The following KIAA1755 variants were observed in gnomAD, a reference collection of about 807,000 sequenced individuals.
The protein encoded by KIAA1755 is uncharacterized protein KIAA1755.
Under a neutral mutation model 91.7 loss-of-function variants are expected in KIAA1755, and 68 were observed. The ratio of observed to expected loss-of-function variants is 0.74; its 90% CI spans 0.61 to 0.91. KIAA1755 has a LOEUF of 0.91. Ranked by LOEUF, KIAA1755 falls within the 40% of genes least tolerant of loss-of-function variation. The probability of loss-of-function intolerance (pLI) is 0.00; values close to 1 mark genes in which losing one functional copy is unlikely to be tolerated. For missense variants in KIAA1755, 1,535 were observed against 1,494.4 expected, an observed-to-expected ratio of 1.03 and a Z score of -0.45; for synonymous variants, 610 against 604.6, an observed-to-expected ratio of 1.01 and a Z score of -0.13.
intron 1 of KIAA1755, among the ~76,000 whole-genome samples, 193 bp from the exon 2 acceptor site, chr20:38,246,319 A>G (rs1231111634): frequency 6.6e-6 from 1 of 152,000 alleles, no homozygotes; most frequent in Admixed American, 6.5e-5. Flanking sequence ...ACTAGGCACA[A>G]TCTCACCTCG....
At chr20:38,218,930 G>T (rs1317264143) in intron 11 of KIAA1755, among the ~76,000 whole-genome samples, 1 of 152,088 alleles carries the variant, frequency 6.6e-6, no homozygotes, top group Non-Finnish European at 1.5e-5. Flanking sequence ...GTATATAATG[G>T]CTCTCAACCC....
rs760553122 is a variant in KIAA1755 at position 38,217,392 on chromosome 20, C to T, written c.2762G>A (p.Arg921His). ...ATARGAGEAERAEFPELAAFA... is the reference protein window; with the variant it reads ...ATARGAGEAEHAEFPELAAFA... ...GGCTGCCAGCTCTGGGAACTCTGCA[C>T]GTTCTGCCTCCCCAGCCCCTCTGGC... is the stretch of plus-strand genomic sequence containing the variant. Residue 921 changes from arginine to histidine, a missense_variant, in exon 13 of 14, where the codon CGT (arginine) becomes CAT (histidine). Transcript: ENST00000279024. The T allele has an allele frequency of 1.2e-6, 2 of 1,613,290 alleles. No homozygotes were observed. Among genetic ancestry groups the T allele is most frequent in the South Asian group, 1.1e-5 (1 of 90,858 alleles).
intron 5 of KIAA1755, among the ~76,000 whole-genome samples, chr20:38,229,309 T>G (rs1034896998): frequency 6.6e-5 from 10 of 152,232 alleles, no homozygotes; most frequent in Non-Finnish European, 1.2e-4. Context: ...AATTCATTCT[T>G]GTAAAGCACT....
intron 1 of KIAA1755, among the ~76,000 whole-genome samples, chr20:38,246,754 C>T (rs1001820239): frequency 3.9e-5 from 6 of 152,224 alleles, no homozygotes; most frequent in African/African-American, 1.4e-4. Flanking sequence ...AGCCACCAAC[C>T]GCCAACATAT....
At chr20:38,227,290 C>A (rs950236348) in intron 6 of KIAA1755, 50 bp from the exon 7 acceptor site, 1 of 1,429,398 alleles carries the variant, frequency 7.0e-7, no homozygotes, top group Non-Finnish European at 9.8e-7. Flanking sequence ...CTTCATGAAG[C>A]CTCACACACT....
In KIAA1755 at chr20:38,213,476, A is replaced by T; in HGVS notation, c.3169T>A (p.Cys1057Ser). 6.2e-7 allele frequency: 1 copy of T among 1,606,600 alleles called. No individual in the cohort carries two copies. Among genetic ancestry groups the T allele is most frequent in the Non-Finnish European group, 8.5e-7 (1 of 1,176,734 alleles). The change falls in exon 14 of 14, where the codon TGC becomes AGC. Residue 1057 changes from cysteine to serine, a missense_variant. Physicochemically the swap from Cys to Ser is moderately radical, Grantham distance 112. Coordinates refer to ENST00000279024, the MANE Select transcript of KIAA1755 (RefSeq NM_001029864.2). ...GAGTGAGCAGCTGGAGCCTCTGGGC[A>T]AGAGCTGTGGGTCAGTGCCTTCTCC... ...LLEKALTHSS[C>S]PEAPAAHSAR...
intron 4 of KIAA1755, among the ~76,000 whole-genome samples, chr20:38,237,659 G>A (rs796220500): frequency 6.6e-6 from 1 of 152,060 alleles, no homozygotes; most frequent in African/African-American, 2.4e-5. Flanking sequence ...GAGACATGCT[G>A]GAAAAGGGGA....
Position 38,217,715 on chromosome 20 carries a change from G to A in KIAA1755, c.2680-241C>T. 3 of 574,630 alleles carry A rather than the reference G, an allele frequency of 5.2e-6. No individual in the cohort carries two copies. In the South Asian group the frequency reaches 6.7e-5, roughly 13 times the overall value. 35.6% of individuals were successfully genotyped at this position (574,630 alleles called of 1,614,324 possible). On this transcript the variant is annotated intron_variant, in intron 12 of 13. Transcript: ENST00000279024. ...AAGTCTCCAGGCCCTCGCCATGGCA[G>A]TTCACTTTGCCTAGCCGGGCTCTGC...
In KIAA1755 at chr20:38,213,188, A is replaced by AATGC. The variant is rs761347721; in HGVS notation, c.3453_3456dup (p.Leu1153AlafsTer38). 3.7e-5 allele frequency: 60 copies of AATGC among 1,613,702 alleles called. No individual in the cohort carries two copies. The Middle Eastern group carries it at 5.0e-4, about 13-fold the overall frequency. ...TGCCGGAAGAAGGTGGTGGCAAGCAAATGCTCGCGGGCAGGGTCAGGCAGC... is the reference window on the plus strand; with the variant it reads ...TGCCGGAAGAAGGTGGTGGCAAGCAAATGCATGCTCGCGGGCAGGGTCAGGCAGC... On this transcript the variant is annotated frameshift_variant, in exon 14 of 14. Transcript: ENST00000279024. LOFTEE classifies it low-confidence loss of function (END_TRUNC).
At position 38,227,350 on chromosome 20, in the gene KIAA1755, G is replaced by T. The variant is rs1360182962; in HGVS notation, c.1966-110C>A. Reference sequence around the variant, plus strand: ...AAGATGCAGGCAAATGGGTCACAAGGACAGAGTGGGGTCCCTCCATGACTG... The same window carrying T: ...AAGATGCAGGCAAATGGGTCACAAGTACAGAGTGGGGTCCCTCCATGACTG... On this transcript the variant is annotated intron_variant, in intron 6 of 13. Transcript: ENST00000279024. 4.3e-6 allele frequency: 3 copies of T among 699,774 alleles called. No homozygotes were observed. In the African/African-American group the frequency reaches 5.4e-5, roughly 12 times the overall value. The allele number at this position is 699,774 out of a possible 1,614,324, so 43.3% of individuals were successfully genotyped here. A position where few individuals can be genotyped will look rare whatever the true frequency, so the allele number is the denominator to read the frequency against.
intron 1 of KIAA1755, among the ~76,000 whole-genome samples, chr20:38,247,917 C>T (rs960743822): frequency 5.3e-5 from 8 of 152,116 alleles, no homozygotes; most frequent in Non-Finnish European, 8.8e-5. Context: ...AGTGAGATCC[C>T]ATCTCTTATT....
At chr20:38,255,006 G>A (rs548506908) in intron 1 of KIAA1755, among the ~76,000 whole-genome samples, 3 of 152,160 alleles carry the variant, frequency 2.0e-5, no homozygotes, top group South Asian at 4.2e-4. Flanking sequence ...GTGCAACCCT[G>A]TCTCTACTAA....
Position 38,223,621 on chromosome 20 carries a change from G to A in KIAA1755, c.2185C>T (p.Leu729Phe), listed in dbSNP as rs1351780794. The change falls in exon 9 of 14, where the codon CTT becomes TTT. Residue 729 changes from leucine (L) to phenylalanine (F), a missense_variant. Coordinates refer to ENST00000279024, the MANE Select transcript of KIAA1755 (RefSeq NM_001029864.2). Reference sequence around the variant, plus strand: ...GAAGAGGCCTGGTGGAGGTCAGCAAGGAAAGGGTCCAGCTTCTGCAGGACA... The same window carrying A: ...GAAGAGGCCTGGTGGAGGTCAGCAAAGAAAGGGTCCAGCTTCTGCAGGACA... ...VHFFQKLDPF[L>F]ADLHQASSLL... The A allele has an allele frequency of 1.9e-6, 3 of 1,605,910 alleles. No individual in the cohort carries two copies. In the South Asian group the frequency reaches 3.3e-5, roughly 18 times the overall value.
chr20:38,241,774 G>T lies in KIAA1755; in HGVS notation c.357C>A (p.Ile119=). ...GGTCCAGGGAGAGGCATTTGATCAT[G>T]ATGCAGACAGACTGCTCCTCCTGGG... The part of the protein sequence containing the change: ...VEPQEEQSVC[I]MIKCLSLDLC... The change falls in exon 3 of 14, where the codon ATC becomes ATA. Residue 119 remains isoleucine (I), a synonymous_variant. Coordinates refer to ENST00000279024, the MANE Select transcript of KIAA1755 (RefSeq NM_001029864.2). 1 of 1,614,212 alleles carries T rather than the reference G, an allele frequency of 6.2e-7. No individual in the cohort carries two copies. The highest frequency in any genetic ancestry group is 8.5e-7 in the Non-Finnish European group (1 of 1,180,038).
chr20:38,241,757 G>A lies in KIAA1755; in HGVS notation c.374C>T (p.Ser125Phe). ...QSVCIMIKCLSLDLCTVDKKP... is the reference protein window; with the variant it reads ...QSVCIMIKCLFLDLCTVDKKP... ...CTTGTCCACTGTGCAGAGGTCCAGGGAGAGGCATTTGATCATGATGCAGAC... is the reference window on the plus strand; with the variant it reads ...CTTGTCCACTGTGCAGAGGTCCAGGAAGAGGCATTTGATCATGATGCAGAC... Residue 125 changes from serine to phenylalanine, a missense_variant, in exon 3 of 14, where the codon TCC becomes TTC. Ser to Phe is a radical substitution (Grantham distance 155). Coordinates refer to ENST00000279024, the MANE Select transcript of KIAA1755 (RefSeq NM_001029864.2). The A allele has an allele frequency of 6.2e-7, 1 of 1,614,216 alleles. No homozygotes were observed.
chr20:38,214,187 G>A (rs1202848995), intron 13 of KIAA1755, among the ~76,000 whole-genome samples: 1 of 152,120 alleles, frequency 6.6e-6, no homozygotes, highest in Non-Finnish European at 1.5e-5. Flanking sequence ...CTGACCTCAG[G>A]TGATCCACCC....
Position 38,260,501 on chromosome 20 carries a change from G to C in KIAA1755, c.-1C>G. 1 of 1,482,552 alleles carries C rather than the reference G, an allele frequency of 6.7e-7. No individual in the cohort carries two copies. Among genetic ancestry groups the C allele is most frequent in the South Asian group, 1.4e-5 (1 of 70,130 alleles). 91.8% of individuals were successfully genotyped at this position (1,482,552 alleles called of 1,614,324 possible). On this transcript the variant is annotated 5_prime_UTR_variant, in exon 1 of 14. Coordinates refer to ENST00000279024, the MANE Select transcript of KIAA1755 (RefSeq NM_001029864.2). Reference sequence around the variant, plus strand: ...GGTCCAGGCCTTGGCGCGTTACCATGGTGACGGGCTGCCAGCGGCGGGCGG... The same window carrying C: ...GGTCCAGGCCTTGGCGCGTTACCATCGTGACGGGCTGCCAGCGGCGGGCGG...
Position 38,239,645 on chromosome 20 carries a change from C to T in KIAA1755, c.1630G>A (p.Ala544Thr), listed in dbSNP as rs776054684. 16 of 1,606,730 alleles carry T rather than the reference C, an allele frequency of 1.0e-5. No individual in the cohort carries two copies. In the South Asian group the frequency reaches 1.8e-4, roughly 18 times the overall value. Residue 544 changes from alanine (A) to threonine (T), a missense_variant, in exon 4 of 14, where the codon GCT becomes ACT. Ala to Thr is a moderately conservative substitution (Grantham distance 58). Coordinates refer to ENST00000279024, the MANE Select transcript of KIAA1755 (RefSeq NM_001029864.2). ...CCTCTTTCTGGGGAGCCTGCAGAAG[C>T]TTCTGGCAAGGCAGCCTTTTCCTCA... ...LTEEKAALPE[A>T]SAGSPERGPT...
chr20:38,225,820 T>C (rs746114071), intron 7 of KIAA1755, 39 bp from the exon 8 acceptor site: 1 of 1,281,460 alleles, frequency 7.8e-7, no homozygotes, highest in East Asian at 2.5e-5. Context: ...GGACTCAAAG[T>C]GAGGACAGTC....
Sources: allele counts gnomAD v4.1 joint callset (sites outside exome capture counted in the v4.1 genomes callset), GRCh38; gene constraint gnomAD v4.1.1; transcripts MANE v1.5; gene names NCBI Gene and HGNC (gene_info 2026-07-23, HGNC 2026-07-21).